Variants in MCTP1 observed in about 807,000 individuals in gnomAD.
MCTP1 encodes multiple C2 and transmembrane domain containing 1.
In MCTP1, 69 loss-of-function variants were observed where a neutral mutation model predicts 120.6. The ratio of observed to expected loss-of-function variants is 0.57; its 90% CI spans 0.47 to 0.70. MCTP1 has a LOEUF of 0.70. Among genes scored for constraint, MCTP1 ranks in the 30% least tolerant of loss-of-function variants. The pLI, the probability that MCTP1 is intolerant of heterozygous loss-of-function variation, is 0.00. For synonymous variants in MCTP1, 529 were observed against 493.1 expected (o/e 1.07, Z -0.96); for missense variants, 1,203 against 1,248.8 (o/e 0.96, Z 0.55).
At chr5:94,837,661 G>A (rs917812108) in intron 17 of MCTP1, among the ~76,000 whole-genome samples, 3 of 152,186 alleles carry the variant, frequency 2.0e-5, no homozygotes, top group African/African-American at 4.8e-5. Flanking sequence ...CAAATCTGGA[G>A]CTAGTTTTCT....
chr5:94,859,670 C>G (rs1445525151), intron 17 of MCTP1, among the ~76,000 whole-genome samples: 1 of 151,772 alleles, frequency 6.6e-6, no homozygotes, highest in East Asian at 2.0e-4. Context: ...AATGTTGCTG[C>G]CTAACTAGAA....
intron 1 of MCTP1, among the ~76,000 whole-genome samples, chr5:95,042,757 G>T (rs1842561463): frequency 6.6e-6 from 1 of 152,126 alleles, no homozygotes; most frequent in African/African-American, 2.4e-5. Context: ...CAATCACCTT[G>T]CCTTTCTCAT....
chr5:95,021,599 T>C (rs1056444371), intron 1 of MCTP1, among the ~76,000 whole-genome samples: 1 of 152,072 alleles, frequency 6.6e-6, no homozygotes, highest in Non-Finnish European at 1.5e-5. Context: ...TTCTTTTCCA[T>C]TTCCATTCTG....
At chr5:95,164,248 T>C (rs11749185) in intron 1 of MCTP1, among the ~76,000 whole-genome samples, 1,722 of 152,230 alleles carry the variant, frequency 0.011, 13 homozygotes, top group Admixed American at 0.015. Context: ...ATGTAAACAA[T>C]TGAACTCACT....
At chr5:95,213,050 G>A (rs1322891811) in intron 1 of MCTP1, among the ~76,000 whole-genome samples, 1 of 151,988 alleles carries the variant, frequency 6.6e-6, no homozygotes, top group African/African-American at 2.4e-5. Context: ...AGGGTATTCA[G>A]TTAGGAAAAG....
intron 11 of MCTP1, among the ~76,000 whole-genome samples, chr5:94,890,848 T>C (rs1024478818): frequency 6.6e-6 from 1 of 152,232 alleles, no homozygotes; most frequent in African/African-American, 2.4e-5. Context: ...ATAGCATTTT[T>C]CTTATGACAC....
intron 17 of MCTP1, among the ~76,000 whole-genome samples, chr5:94,840,062 C>T (rs1790665579): frequency 6.6e-6 from 1 of 152,152 alleles, no homozygotes; most frequent in African/African-American, 2.4e-5. Context: ...TGTGACACCA[C>T]AGAGGATACA....
At chr5:94,799,470 T>A (rs940750723) in intron 17 of MCTP1, among the ~76,000 whole-genome samples, 1 of 152,168 alleles carries the variant, frequency 6.6e-6, no homozygotes, top group African/African-American at 2.4e-5. Flanking sequence ...TCCGCTACAC[T>A]GTCAGAAATA....
At chr5:94,907,479 C>T (rs1807220676) in intron 10 of MCTP1, among the ~76,000 whole-genome samples, 2 of 152,008 alleles carry the variant, frequency 1.3e-5, no homozygotes, top group African/African-American at 2.4e-5. Flanking sequence ...GGTATATGAC[C>T]GAAAATAGAC....
intron 5 of MCTP1, among the ~76,000 whole-genome samples, chr5:94,933,556 T>A (rs1425263641): frequency 6.6e-6 from 1 of 151,872 alleles, no homozygotes; most frequent in African/African-American, 2.4e-5. Context: ...GAATGGTATA[T>A]CCTAGAGATG....
chr5:95,277,934 A>T (rs761021607), intron 1 of MCTP1, among the ~76,000 whole-genome samples: 1 of 152,140 alleles, frequency 6.6e-6, no homozygotes, highest in African/African-American at 2.4e-5. Context: ...TTACAAATAC[A>T]GTTTTCCATA....
chr5:94,898,901 A>G (rs1364172549), intron 10 of MCTP1, among the ~76,000 whole-genome samples: 1 of 152,190 alleles, frequency 6.6e-6, no homozygotes, highest in Non-Finnish European at 1.5e-5. Flanking sequence ...TAAATTCTCA[A>G]ACCCTCAAAT....
intron 2 of MCTP1, among the ~76,000 whole-genome samples, chr5:94,986,658 T>G (rs1431846944): frequency 1.3e-5 from 2 of 152,220 alleles, no homozygotes; most frequent in South Asian, 4.1e-4. Flanking sequence ...GACAGGCATG[T>G]GCCACCATGC....
At chr5:94,763,374 G>A (rs975272491) in intron 19 of MCTP1, among the ~76,000 whole-genome samples, 1 of 151,940 alleles carries the variant, frequency 6.6e-6, no homozygotes, top group South Asian at 2.1e-4. Flanking sequence ...CATTTCCCTC[G>A]ACTCTCCCTC....
At chr5:94,868,080 T>C (rs1797150242) in intron 17 of MCTP1, 1 of 300,436 alleles carries the variant, frequency 3.3e-6, no homozygotes, top group Non-Finnish European at 6.0e-6. Context: ...ACTTTTTAAC[T>C]GTCACAGAGA....
chr5:94,770,363 C>T (rs568615551), intron 19 of MCTP1, among the ~76,000 whole-genome samples: 97 of 152,332 alleles, frequency 6.4e-4, no homozygotes, highest in African/African-American at 2.3e-3. Flanking sequence ...AAATTCACTG[C>T]TGCAATACAG....
intron 1 of MCTP1, among the ~76,000 whole-genome samples, chr5:95,140,502 A>T (rs1021145967): frequency 1.9e-4 from 29 of 152,166 alleles, no homozygotes; most frequent in Non-Finnish European, 1.6e-4. Context: ...GGGTAAAAGC[A>T]TATTCTTTTC....
chr5:94,819,274 C>T lies in MCTP1; in HGVS notation c.2437-20142G>A, dbSNP rs554227440. 1.1e-3 allele frequency among the ~76,000 whole-genome samples: 169 copies of T among 152,044 alleles called. 1 individual carries two copies. Among genetic ancestry groups the T allele is most frequent in the Non-Finnish European group, 1.7e-3 (116 of 68,000 alleles). ...TCCCATGAGGAGCTAGGATTACAGGCGTGTGCCACCACACATGGCTACTTT... is the reference window on the plus strand; with the variant it reads ...TCCCATGAGGAGCTAGGATTACAGGTGTGTGCCACCACACATGGCTACTTT... On this transcript the variant is annotated intron_variant, in intron 17 of 22. Coordinates refer to ENST00000515393, the MANE Select transcript of MCTP1 (RefSeq NM_024717.7).
At chr5:94,855,606 T>C (rs1222332114) in intron 17 of MCTP1, among the ~76,000 whole-genome samples, 7 of 151,738 alleles carry the variant, frequency 4.6e-5, no homozygotes, top group African/African-American at 1.7e-4. Flanking sequence ...ATATATCTCA[T>C]TCATTCTGAT....
Sources: gnomAD v4.1 joint callset for allele counts (sites outside exome capture counted in the v4.1 genomes callset) on GRCh38, gnomAD v4.1.1 for gene constraint, MANE v1.5 for transcripts, NCBI Gene and HGNC (gene_info 2026-07-23, HGNC 2026-07-21) for gene names.